The following CHRNA3 variants were observed in gnomAD, a reference collection of about 807,000 sequenced individuals.
The protein encoded by CHRNA3 is neuronal acetylcholine receptor subunit alpha-3.
CHRNA3 carries 34 observed loss-of-function variants against 41.9 expected under a neutral mutation model. The observed-to-expected ratio is 0.81, with a 90% confidence interval of 0.62 to 1.08. The LOEUF is 1.08. CHRNA3 is among the 50% of genes least tolerant of loss of function. The probability of loss-of-function intolerance (pLI) is 0.00; values close to 1 mark genes in which losing one functional copy is unlikely to be tolerated. For missense variants in CHRNA3, 542 were observed against 638.3 expected (o/e 0.85, Z 1.63); for synonymous variants, 281 against 265.2 (o/e 1.06, Z -0.58).
chr15:78,593,062 T>C, downstream of CHRNA3: 2 of 1,594,640 alleles, frequency 1.3e-6, no homozygotes, highest in Non-Finnish European at 1.7e-6. Flanking sequence ...TTTACAATTA[T>C]TTAATGCATT....
rs1420477629 is a variant in CHRNA3 at position 78,595,886 on chromosome 15, G to GA, written c.*717dup. On this transcript the variant is annotated 3_prime_UTR_variant, in exon 6 of 6. Transcript: ENST00000326828. ...CTTCAGTCATGTGAGGACACAGCTA[G>GA]AAGGCACCCTTTGAGGAAGAGGACC... 1 of 156,622 alleles carries GA rather than the reference G, an allele frequency of 6.4e-6. No homozygotes were observed. The highest frequency in any genetic ancestry group is 1.2e-5 in the Non-Finnish European group (1 of 82,932). 9.7% of individuals were successfully genotyped at this position (156,622 alleles called of 1,614,324 possible).
At chr15:78,618,287 T>G in intron 3 of CHRNA3, 6 of 283,146 alleles carry the variant, frequency 2.1e-5, no homozygotes, top group Non-Finnish European at 3.3e-5. Flanking sequence ...GAGAAGGAGG[T>G]GTCTCAGGCA....
In CHRNA3 at chr15:78,602,059, AAGAGCCGATC is replaced by A; in HGVS notation, c.573_582del (p.Ile192ProfsTer2). 1 of 1,614,130 alleles carries A rather than the reference AAGAGCCGATC, an allele frequency of 6.2e-7. No individual in the cohort carries two copies. The highest frequency in any genetic ancestry group is 8.5e-7 in the Non-Finnish European group (1 of 1,180,008). On this transcript the variant is annotated frameshift_variant, in exon 5 of 6. Transcript: ENST00000326828. LOFTEE classifies it high-confidence loss of function. ...TCCCAATAGTCCTTGAGGTTCATGG[AAGAGCCGATC>A]AGGACCAGATCGATTTTCGCCTTAT...
intron 5 of CHRNA3, among the ~76,000 whole-genome samples, chr15:78,598,398 CTTT>C (rs200918569): frequency 4.1e-5 from 6 of 144,672 alleles, no homozygotes; most frequent in African/African-American, 1.0e-4. Flanking sequence ...AATTTTATAT[CTTT>C]TTTTTTTTTT....
chr15:78,614,859 G>A (rs1399983450), intron 4 of CHRNA3, among the ~76,000 whole-genome samples: 1 of 152,208 alleles, frequency 6.6e-6, no homozygotes, highest in Non-Finnish European at 1.5e-5. Flanking sequence ...CTTAAATGTG[G>A]GAAGTATCAG....
chr15:78,618,951 CG>C (rs762483951), intron 1 of CHRNA3, 36 bp from the exon 2 acceptor site: 298 of 1,608,392 alleles, frequency 1.9e-4, no homozygotes, highest in Non-Finnish European at 2.5e-4. Flanking sequence ...CTGGGGAAAT[CG>C]TTACTTAACC....
At chr15:78,610,546 T>C (rs1048244425) in intron 4 of CHRNA3, among the ~76,000 whole-genome samples, 1 of 151,918 alleles carries the variant, frequency 6.6e-6, no homozygotes, top group African/African-American at 2.4e-5. Context: ...AGACACAACA[T>C]ACCAGAATCT....
chr15:78,618,572 C>A, intron 3 of CHRNA3, 45 bp downstream of exon 3: 1 of 1,611,326 alleles, frequency 6.2e-7, no homozygotes, highest in Non-Finnish European at 8.5e-7. Flanking sequence ...GCAAATAAAA[C>A]AGTCACCACC....
chr15:78,617,158 G>A (rs2053475537), intron 3 of CHRNA3, 25 bp from the exon 4 acceptor site: 2 of 1,485,664 alleles, frequency 1.3e-6, no homozygotes, highest in African/African-American at 1.4e-5. Flanking sequence ...CAGGGAGGGA[G>A]AAGGAGACGG....
intron 5 of CHRNA3, among the ~76,000 whole-genome samples, chr15:78,598,915 CCT>C (rs1171571191): frequency 2.0e-5 from 3 of 149,142 alleles, no homozygotes; most frequent in Non-Finnish European, 4.4e-5. Flanking sequence ...CTCACTGCAA[CCT>C]CTGTCTCCCG....
At chr15:78,606,726 T>C (rs1417741529) in intron 4 of CHRNA3, among the ~76,000 whole-genome samples, 5 of 151,430 alleles carry the variant, frequency 3.3e-5, no homozygotes, top group Admixed American at 6.6e-5. Flanking sequence ...AAACCCCGTC[T>C]CTACTAAAAA....
At chr15:78,615,049 G>A (rs931039848) in intron 4 of CHRNA3, among the ~76,000 whole-genome samples, 9 of 152,148 alleles carry the variant, frequency 5.9e-5, no homozygotes, top group African/African-American at 2.2e-4. Flanking sequence ...GGACTGGCTC[G>A]AGAGCAGCTT....
At position 78,601,935 on chromosome 15, in the gene CHRNA3, T is replaced by G; in HGVS notation, c.707A>C (p.Tyr236Ser). 1.9e-6 allele frequency: 3 copies of G among 1,613,280 alleles called. No individual in the cohort carries two copies. Among genetic ancestry groups the G allele is most frequent in the Non-Finnish European group, 2.5e-6 (3 of 1,179,482 alleles). Residue 236 changes from tyrosine to serine, a missense_variant, in exon 5 of 6, where the codon TAC becomes TCC. By Grantham distance (144) the Tyr-to-Ser change is moderately radical. Coordinates refer to ENST00000326828, the MANE Select transcript of CHRNA3 (RefSeq NM_000743.5). ...GTAGAACAAGGGCAGGCGCCGGATG[T>G]ACAGCGAGTATGTGATGTCGGGGTA... ...EIYPDITYSLYIRRLPLFYTI... is the reference protein window; with the variant it reads ...EIYPDITYSLSIRRLPLFYTI...
At chr15:78,602,763 A>G (rs1377940202) in intron 4 of CHRNA3, among the ~76,000 whole-genome samples, 1 of 151,982 alleles carries the variant, frequency 6.6e-6, no homozygotes, top group Admixed American at 6.6e-5. Context: ...AGGGGAGTCC[A>G]CCCCCATTAA....
intron 4 of CHRNA3, among the ~76,000 whole-genome samples, chr15:78,611,092 C>CA (rs1460492543): frequency 6.6e-6 from 1 of 151,896 alleles, no homozygotes; most frequent in East Asian, 1.9e-4. Flanking sequence ...GCTTACCAAC[C>CA]AAAAAAAGTC....
intron 4 of CHRNA3, among the ~76,000 whole-genome samples, chr15:78,606,488 G>A (rs2053289939): frequency 6.6e-6 from 1 of 152,002 alleles, no homozygotes; most frequent in African/African-American, 2.4e-5. Flanking sequence ...TCAAAATTGT[G>A]AAAGAACAGA....
At chr15:78,602,301 C>A in intron 4 of CHRNA3, 37 bp from the exon 5 acceptor site, 2 of 1,591,656 alleles carry the variant, frequency 1.3e-6, no homozygotes, top group South Asian at 2.3e-5. Flanking sequence ...GACACACGGT[C>A]ATTAACACTT....
chr15:78,594,183 T>C (rs1286846309), downstream of CHRNA3: 1 of 152,220 alleles, frequency 6.6e-6, no homozygotes, highest in Non-Finnish European at 1.5e-5. Flanking sequence ...ACTATTTCTG[T>C]AGCTTAGCTT....
chr15:78,614,350 GAAAA>G (rs935627735), intron 4 of CHRNA3, among the ~76,000 whole-genome samples: 19 of 152,240 alleles, frequency 1.2e-4, no homozygotes, highest in African/African-American at 4.3e-4. Context: ...AGTGCAAGAA[GAAAA>G]AAATCTGCAA....
Sources: allele counts gnomAD v4.1 joint callset (sites outside exome capture counted in the v4.1 genomes callset), GRCh38; gene constraint gnomAD v4.1.1; transcripts MANE v1.5; gene names NCBI Gene and HGNC (gene_info 2026-07-23, HGNC 2026-07-21).